IGF2R: variants seen among roughly 807,000 people sequenced by gnomAD.
IGF2R encodes the protein insulin like growth factor 2 receptor.
In IGF2R, 91 loss-of-function variants were observed where a neutral mutation model predicts 270.6. The observed-to-expected ratio is 0.34, with a 90% CI of 0.28 to 0.40. IGF2R has a LOEUF of 0.40. Among genes scored for constraint, IGF2R ranks in the 10% least tolerant of loss-of-function variants. IGF2R has a pLI of 1.00. For missense variants in IGF2R, 2,805 were observed against 3,188.3 expected (o/e 0.88, Z 2.90); for synonymous variants, 1,316 against 1,258.9 (o/e 1.05, Z -0.96).
At chr6:160,071,420 T>G (rs1047270667) in intron 31 of IGF2R, among the ~76,000 whole-genome samples, 2 of 152,208 alleles carry the variant, frequency 1.3e-5, no homozygotes, top group African/African-American at 4.8e-5. Context: ...AACTCTGCAG[T>G]GGACATGAAG....
At chr6:160,013,269 G>A (rs1331538004) in intron 4 of IGF2R, among the ~76,000 whole-genome samples, 2 of 152,022 alleles carry the variant, frequency 1.3e-5, no homozygotes, top group African/African-American at 4.8e-5. Context: ...TTCAAAGCCT[G>A]CCCTGGCCTG....
intron 44 of IGF2R, chr6:160,096,046 A>C (rs576240170): frequency 4.4e-5 from 7 of 157,802 alleles, no homozygotes; most frequent in African/African-American, 1.7e-4. Flanking sequence ...AATATCTGAT[A>C]CTGATCTGTT....
At chr6:159,992,606 A>ACT (rs1749568629) in intron 2 of IGF2R, among the ~76,000 whole-genome samples, 1 of 151,728 alleles carries the variant, frequency 6.6e-6, no homozygotes, top group African/African-American at 2.4e-5. Flanking sequence ...AATCACACAC[A>ACT]CACACACACA....
intron 7 of IGF2R, 27 bp downstream of exon 7, chr6:160,029,682 A>G (rs1421246737): frequency 1.3e-6 from 2 of 1,520,208 alleles, no homozygotes; most frequent in Non-Finnish European, 1.8e-6. Context: ...CTGATCACTA[A>G]TGTGGCGCAC....
intron 1 of IGF2R, among the ~76,000 whole-genome samples, chr6:159,972,409 C>T (rs1783623790): frequency 6.6e-6 from 1 of 152,136 alleles, no homozygotes; most frequent in Non-Finnish European, 1.5e-5. Flanking sequence ...CATTGTATGG[C>T]CCCCAGAAAG....
intron 31 of IGF2R, 123 bp from the exon 32 acceptor site, chr6:160,071,787 A>G (rs1778744368): frequency 2.3e-6 from 3 of 1,303,356 alleles, no homozygotes; most frequent in Non-Finnish European, 3.3e-6. Flanking sequence ...CCACAGGCAC[A>G]TGGAGACAGA....
chr6:160,093,565 G>A, intron 44 of IGF2R: 2 of 656,206 alleles, frequency 3.0e-6, no homozygotes, highest in Non-Finnish European at 5.7e-6. Flanking sequence ...ATTTCCAGGG[G>A]ATTCCAGAAC....
intron 33 of IGF2R, 111 bp from the exon 34 acceptor site, chr6:160,073,102 G>A (rs1583292916): frequency 1.4e-6 from 2 of 1,445,500 alleles, no homozygotes; most frequent in African/African-American, 1.4e-5. Flanking sequence ...GACACTTGAA[G>A]TTATAAGTGT....
intron 18 of IGF2R, among the ~76,000 whole-genome samples, chr6:160,049,765 T>C (rs1301787444): frequency 6.6e-6 from 1 of 152,240 alleles, no homozygotes; most frequent in African/African-American, 2.4e-5. Flanking sequence ...GAGTAGAATC[T>C]GTCAGCATGA....
At chr6:160,002,976 AC>A (rs1441773108) in intron 2 of IGF2R, among the ~76,000 whole-genome samples, 2 of 152,218 alleles carry the variant, frequency 1.3e-5, no homozygotes, top group Non-Finnish European at 2.9e-5. Context: ...AGCCCATTTA[AC>A]TTGAGGTAAT....
chr6:159,970,569 G>A (rs1238578973), intron 1 of IGF2R, among the ~76,000 whole-genome samples: 3 of 152,132 alleles, frequency 2.0e-5, no homozygotes, highest in Non-Finnish European at 1.5e-5. Flanking sequence ...CTTTGGAAAG[G>A]CCCATATTTT....
intron 4 of IGF2R, among the ~76,000 whole-genome samples, chr6:160,011,973 G>A (rs529917018): frequency 6.6e-6 from 1 of 152,238 alleles, no homozygotes; most frequent in South Asian, 2.1e-4. Flanking sequence ...ATACCATGCA[G>A]TTTAATAAGA....
intron 2 of IGF2R, among the ~76,000 whole-genome samples, chr6:159,997,724 T>C (rs1784074876): frequency 6.6e-6 from 1 of 152,238 alleles, no homozygotes; most frequent in Non-Finnish European, 1.5e-5. Context: ...CTCCACTTGA[T>C]ACTCCATTCT....
intron 9 of IGF2R, among the ~76,000 whole-genome samples, chr6:160,034,212 A>G (rs531596423): frequency 1.2e-4 from 19 of 152,334 alleles, no homozygotes; most frequent in African/African-American, 4.3e-4. Flanking sequence ...GCCAGTTACT[A>G]CTTTGAAGCG....
At position 159,991,410 on chromosome 6, in the gene IGF2R, C is replaced by T. The variant is rs764443315; in HGVS notation, c.289+87C>T. 7.1e-5 allele frequency: 78 copies of T among 1,098,758 alleles called. No individual in the cohort carries two copies. The East Asian group carries it at 7.6e-4, about 11-fold the overall frequency. 68.1% of individuals were successfully genotyped at this position (1,098,758 alleles called of 1,614,324 possible). A position where few individuals can be genotyped will look rare whatever the true frequency, so the allele number is the denominator to read the frequency against. On this transcript the variant is annotated intron_variant, in intron 2 of 47. Transcript: ENST00000356956. ...ACTGTGTATAGCTATACGTATATAG[C>T]GATACAAAAATTTTGAATGTTTAGA... is the stretch of plus-strand genomic sequence containing the variant.
intron 19 of IGF2R, among the ~76,000 whole-genome samples, chr6:160,055,818 A>G (rs955526543): frequency 6.6e-6 from 1 of 152,120 alleles, no homozygotes; most frequent in African/African-American, 2.4e-5. Flanking sequence ...GGCAGCTACC[A>G]TTGCCTGTGT....
chr6:160,054,362 G>A (rs745452935), intron 19 of IGF2R, among the ~76,000 whole-genome samples: 1 of 152,132 alleles, frequency 6.6e-6, no homozygotes, highest in African/African-American at 2.4e-5. Context: ...CCTGTATGTC[G>A]AAAGGTGAAG....
intron 4 of IGF2R, among the ~76,000 whole-genome samples, chr6:160,011,317 A>G (rs959723764): frequency 2.2e-4 from 34 of 152,058 alleles, no homozygotes; most frequent in African/African-American, 8.0e-4. Context: ...ATTCTTTTCC[A>G]GCTCACCTCA....
chr6:160,019,671 T>C (rs1369389759), intron 4 of IGF2R, among the ~76,000 whole-genome samples: 1 of 152,056 alleles, frequency 6.6e-6, no homozygotes, highest in Non-Finnish European at 1.5e-5. Context: ...TGTATGCAAA[T>C]CAATAAATGT....
Sources: allele counts gnomAD v4.1 joint callset (sites outside exome capture counted in the v4.1 genomes callset), GRCh38; gene constraint gnomAD v4.1.1; transcripts MANE v1.5; gene names NCBI Gene and HGNC (gene_info 2026-07-23, HGNC 2026-07-21).